ANGPTL1: variants seen among roughly 807,000 people sequenced by gnomAD.
ANGPTL1 encodes angiopoietin-related protein 1.
Under a neutral mutation model 46.7 loss-of-function variants are expected in ANGPTL1, and 36 were observed. The observed-to-expected ratio is 0.77, with a 90% CI of 0.59 to 1.02. The LOEUF is 1.02. Among genes scored for constraint, ANGPTL1 ranks in the 50% least tolerant of loss-of-function variants. The probability of loss-of-function intolerance (pLI) is 0.00; values close to 1 mark genes in which losing one functional copy is unlikely to be tolerated. For missense variants in ANGPTL1, 571 were observed against 594.7 expected (o/e 0.96, Z 0.41); for synonymous variants, 221 against 204.3 (o/e 1.08, Z -0.69).
intron 3 of ANGPTL1, among the ~76,000 whole-genome samples, chr1:178,856,670 G>A (rs1415411141): frequency 2.6e-5 from 4 of 151,504 alleles, no homozygotes; most frequent in African/African-American, 9.7e-5. Flanking sequence ...AGTCATCATC[G>A]GTAATTGTTA....
rs777854572 is a variant in ANGPTL1, at chr1:178,865,163, G to A, written c.614C>T (p.Ser205Phe). ...LLEEQCLRIF[S>F]RQDTHVSPPL... The stretch of plus-strand genomic sequence containing the variant: ...GGGAGACACATGGGTGTCTTGTCGG[G>A]AAAATATCCTCAAGCACTGTTCTTC... Residue 205 changes from serine to phenylalanine, a missense_variant, in exon 3 of 6, where the codon TCC (serine) becomes TTC (phenylalanine). Physicochemically the swap from Ser to Phe is radical, Grantham distance 155 (BLOSUM62 -2). Transcript: ENST00000234816. 3.1e-6 allele frequency: 5 copies of A among 1,608,432 alleles called. No homozygotes were observed. Among genetic ancestry groups the A allele is most frequent in the Non-Finnish European group, 4.3e-6 (5 of 1,176,164 alleles).
In ANGPTL1 at chr1:178,865,303, G is replaced by T; in HGVS notation, c.474C>A (p.Ile158=). 6.2e-7 allele frequency: 1 copy of T among 1,614,060 alleles called. No homozygotes were observed. Among genetic ancestry groups the T allele is most frequent in the South Asian group, 1.1e-5 (1 of 91,064 alleles). ...TCAACATTTCTGTGGTGACATTGAGGATTTTGTTTTCCAGTTGGGAAAGTT... is the reference window on the plus strand; with the variant it reads ...TCAACATTTCTGTGGTGACATTGAGTATTTTGTTTTCCAGTTGGGAAAGTT... The part of the protein sequence containing the change: ...SLELSQLENK[I]LNVTTEMLKM... The change falls in exon 3 of 6, where the codon ATC becomes ATA. Residue 158 remains isoleucine, a synonymous_variant. Coordinates refer to ENST00000234816, the MANE Select transcript of ANGPTL1 (RefSeq NM_004673.4).
chr1:178,865,503 G>T lies in ANGPTL1; in HGVS notation c.274C>A (p.Leu92Ile). Residue 92 changes from leucine (L) to isoleucine (I), a missense_variant, in exon 3 of 6, where the codon CTC becomes ATC. Transcript: ENST00000234816. ...TCTATCTCCCGCTTCTGCCTGGAGAGCACATCCTTCAGGTTTTCAAGGTCC... is the reference window on the plus strand; with the variant it reads ...TCTATCTCCCGCTTCTGCCTGGAGATCACATCCTTCAGGTTTTCAAGGTCC... ...RMDLENLKDV[L>I]SRQKREIDVL... is the part of the protein sequence containing the mutation. The T allele has an allele frequency of 1.2e-6, 2 of 1,614,080 alleles. No individual in the cohort carries two copies. The highest frequency in any genetic ancestry group is 1.7e-6 in the Non-Finnish European group (2 of 1,179,986).
chr1:178,865,092 A>G lies in ANGPTL1; in HGVS notation c.685T>C (p.Tyr229His), dbSNP rs1471524729. The G allele has an allele frequency of 6.4e-7, 1 of 1,560,694 alleles. No homozygotes were observed. The highest frequency in any genetic ancestry group is 8.7e-7 in the Non-Finnish European group (1 of 1,151,324). The change falls in exon 3 of 6, where the codon TAT becomes CAT. Residue 229 changes from tyrosine (Y) to histidine (H), a missense_variant. By Grantham distance (83) the Tyr-to-His change is moderately conservative. Transcript: ENST00000234816. ...TTACCTCCCAGCAGACCAGGAGTAT[A>G]CTGTTGGCTGTTAGGAATATGTTGT... ...VPQHIPNSQQ[Y>H]TPGLLGGNEI... is the part of the protein sequence containing the mutation.
chr1:178,866,601 A>G (rs1658427949), intron 2 of ANGPTL1, among the ~76,000 whole-genome samples: 2 of 152,142 alleles, frequency 1.3e-5, no homozygotes, highest in South Asian at 4.1e-4. Context: ...ATTTTCTACA[A>G]CCATTACCAA....
At chr1:178,867,917 T>C (rs1167087067) in intron 2 of ANGPTL1, among the ~76,000 whole-genome samples, 1 of 152,070 alleles carries the variant, frequency 6.6e-6, no homozygotes, top group African/African-American at 2.4e-5. Context: ...CCTTTTTTGG[T>C]ATTTTTCAAT....
At chr1:178,853,185 A>C (rs1558150503) in intron 4 of ANGPTL1, 1 of 985,340 alleles carries the variant, frequency 1.0e-6, no homozygotes. Context: ...AGCTAGCTTC[A>C]AATCCTACAA....
Position 178,852,782 on chromosome 1 carries a change from G to T in ANGPTL1, c.1189C>A (p.Leu397Met). Residue 397 changes from leucine (L) to methionine (M), a missense_variant, in exon 5 of 6, where the codon CTG becomes ATG. By Grantham distance (15) the Leu-to-Met change is conservative. Coordinates refer to ENST00000234816, the MANE Select transcript of ANGPTL1 (RefSeq NM_004673.4). The stretch of plus-strand genomic sequence containing the variant: ...TTTCCCTGGTAAGTTCCCAGGCGCA[G>T]TCTATAGAATTCACTTTCAGGTTCC... ...RLEPESEFYR[L>M]RLGTYQGNAG... 1.2e-6 allele frequency: 2 copies of T among 1,613,908 alleles called. No homozygotes were observed. Among genetic ancestry groups the T allele is most frequent in the South Asian group, 2.2e-5 (2 of 91,076 alleles).
At chr1:178,865,836 C>A in intron 2 of ANGPTL1, 34 bp from the exon 3 acceptor site, 12 of 1,297,374 alleles carry the variant, frequency 9.2e-6, no homozygotes, top group Admixed American at 9.2e-5. Context: ...GGAGAAAAAG[C>A]AAAAAGAATT....
intron 5 of ANGPTL1, among the ~76,000 whole-genome samples, chr1:178,852,106 T>C (rs953888216): frequency 6.6e-6 from 1 of 152,192 alleles, no homozygotes; most frequent in Non-Finnish European, 1.5e-5. Flanking sequence ...TCTTACACCA[T>C]GTATCCAAAT....
At position 178,853,581 on chromosome 1, in the gene ANGPTL1, A is replaced by G. The variant is rs980825225; in HGVS notation, c.1017+13T>C. On this transcript the variant is annotated intron_variant, in intron 4 of 5. Transcript: ENST00000234816. Reference sequence around the variant, plus strand: ...TTTGTTTTACTTCCCTTAGGTCTGCATCACTGATTTACCTTATAATTTTCC... The same window carrying G: ...TTTGTTTTACTTCCCTTAGGTCTGCGTCACTGATTTACCTTATAATTTTCC... The G allele has an allele frequency of 3.2e-6, 5 of 1,576,818 alleles. No individual in the cohort carries two copies. The highest frequency in any genetic ancestry group is 4.3e-6 in the Non-Finnish European group (5 of 1,165,188).
intron 1 of ANGPTL1, among the ~76,000 whole-genome samples, chr1:178,870,118 C>T (rs1472913796): frequency 6.6e-6 from 1 of 152,070 alleles, no homozygotes; most frequent in Non-Finnish European, 1.5e-5. Context: ...ATTACTATTA[C>T]ATGTAAGCCT....
chr1:178,856,220 T>G (rs879643123), intron 3 of ANGPTL1, among the ~76,000 whole-genome samples: 4,164 of 79,734 alleles, frequency 0.052, 443 homozygotes, highest in African/African-American at 0.14. Flanking sequence ...TATATATATA[T>G]ATATATATAT....
intron 4 of ANGPTL1, 77 bp from the exon 5 acceptor site, chr1:178,853,030 A>C: frequency 6.6e-7 from 1 of 1,507,228 alleles, no homozygotes. Flanking sequence ...AGTGTTAAAC[A>C]TTCGATAGCA....
At chr1:178,861,559 T>C (rs1478216994) in intron 3 of ANGPTL1, among the ~76,000 whole-genome samples, 1 of 152,120 alleles carries the variant, frequency 6.6e-6, no homozygotes, top group Non-Finnish European at 1.5e-5. Context: ...AAAATGTGAA[T>C]AGTGATTTCT....
At chr1:178,858,923 A>G (rs1657770085) in intron 3 of ANGPTL1, among the ~76,000 whole-genome samples, 1 of 152,208 alleles carries the variant, frequency 6.6e-6, no homozygotes, top group Non-Finnish European at 1.5e-5. Context: ...CAGTAAACCA[A>G]TTCAGAGCTT....
Position 178,865,170 on chromosome 1 carries a change from T to C in ANGPTL1, c.607A>G (p.Ile203Val), listed in dbSNP as rs891490635. Residue 203 changes from isoleucine to valine, a missense_variant, in exon 3 of 6, where the codon ATA (isoleucine) becomes GTA (valine). Coordinates refer to ENST00000234816, the MANE Select transcript of ANGPTL1 (RefSeq NM_004673.4). ...ITLLEEQCLR[I>V]FSRQDTHVSP... ...ACATGGGTGTCTTGTCGGGAAAATA[T>C]CCTCAAGCACTGTTCTTCCAACAAA... The C allele has an allele frequency of 1.1e-5, 17 of 1,609,776 alleles. No individual in the cohort carries two copies. The highest frequency in any genetic ancestry group is 1.4e-5 in the Non-Finnish European group (16 of 1,177,030).
At chr1:178,859,822 C>T (rs1448934429) in intron 3 of ANGPTL1, among the ~76,000 whole-genome samples, 1 of 49,028 alleles carries the variant, frequency 2.0e-5, no homozygotes, top group Non-Finnish European at 4.0e-5. Context: ...CTCTGCCCGC[C>T]CCCCCCCCCC....
intron 4 of ANGPTL1, 70 bp downstream of exon 4, chr1:178,853,524 C>A: frequency 8.3e-7 from 1 of 1,205,996 alleles, no homozygotes; most frequent in Non-Finnish European, 1.1e-6. Flanking sequence ...TATTGCATAG[C>A]ATCTTGTTTC....
Sources: gnomAD v4.1 joint callset for allele counts (sites outside exome capture counted in the v4.1 genomes callset) on GRCh38, gnomAD v4.1.1 for gene constraint, MANE v1.5 for transcripts, NCBI Gene and HGNC (gene_info 2026-07-23, HGNC 2026-07-21) for gene names.